ILRUN: variants seen among roughly 807,000 people sequenced by gnomAD.
The protein encoded by ILRUN is protein ILRUN.
A neutral mutation model predicts 33.8 loss-of-function variants in ILRUN; 3 were observed. The observed-to-expected ratio is 0.09, with a 90% CI of 0.04 to 0.23. ILRUN has a LOEUF of 0.23. Among genes scored for constraint, ILRUN ranks in the 10% least tolerant of loss-of-function variants. The pLI is 1.00. For missense variants in ILRUN, 210 were observed against 375.1 expected (o/e 0.56, Z 3.64); for synonymous variants, 124 against 138.9 (o/e 0.89, Z 0.75).
chr6:34,674,943 G>A (rs946747131), intron 1 of ILRUN, among the ~76,000 whole-genome samples: 3 of 151,994 alleles, frequency 2.0e-5, no homozygotes, highest in Non-Finnish European at 2.9e-5. Flanking sequence ...TTCTGACTGA[G>A]GCCCTGAATA....
At chr6:34,651,526 T>C (rs530184747) in intron 2 of ILRUN, among the ~76,000 whole-genome samples, 1 of 152,252 alleles carries the variant, frequency 6.6e-6, no homozygotes, top group South Asian at 2.1e-4. Flanking sequence ...TTTTGAAATA[T>C]AAAATGGTTA....
chr6:34,649,569 C>T (rs1388320678), intron 2 of ILRUN, among the ~76,000 whole-genome samples: 1 of 152,112 alleles, frequency 6.6e-6, no homozygotes, highest in Non-Finnish European at 1.5e-5. Flanking sequence ...AAAACCCTGT[C>T]ATGTTACAAT....
intron 1 of ILRUN, among the ~76,000 whole-genome samples, chr6:34,659,958 T>C (rs1762854304): frequency 6.6e-6 from 1 of 151,734 alleles, no homozygotes; most frequent in Non-Finnish European, 1.5e-5. Context: ...ATCTATATAT[T>C]TATATGAGGC....
intron 4 of ILRUN, among the ~76,000 whole-genome samples, chr6:34,602,827 G>C (rs1295978020): frequency 2.0e-5 from 3 of 152,186 alleles, no homozygotes; most frequent in African/African-American, 7.2e-5. Flanking sequence ...TTGCGTTGTG[G>C]GATGCAGCTA....
intron 3 of ILRUN, among the ~76,000 whole-genome samples, chr6:34,618,829 G>A (rs1761951752): frequency 6.6e-6 from 1 of 152,190 alleles, no homozygotes; most frequent in Non-Finnish European, 1.5e-5. Context: ...CATAAGGAAG[G>A]AGAAGAGATG....
chr6:34,629,072 C>G (rs1350132740), intron 3 of ILRUN, among the ~76,000 whole-genome samples: 1 of 152,092 alleles, frequency 6.6e-6, no homozygotes, highest in African/African-American at 2.4e-5. Context: ...TCACTGCATA[C>G]CAGCCTGGGC....
At chr6:34,660,208 T>C (rs934140636) in intron 1 of ILRUN, among the ~76,000 whole-genome samples, 6 of 150,268 alleles carry the variant, frequency 4.0e-5, no homozygotes, top group African/African-American at 1.2e-4. Context: ...GGGGCTGAAG[T>C]GGGAGGATCA....
At chr6:34,593,473 A>C (rs1761336481) in intron 4 of ILRUN, among the ~76,000 whole-genome samples, 1 of 152,236 alleles carries the variant, frequency 6.6e-6, no homozygotes, top group Non-Finnish European at 1.5e-5. Context: ...TTCAATTGGA[A>C]GAAACAGGAA....
intron 3 of ILRUN, among the ~76,000 whole-genome samples, chr6:34,625,467 G>C (rs1326558210): frequency 7.9e-5 from 12 of 152,316 alleles, no homozygotes; most frequent in African/African-American, 2.6e-4. Flanking sequence ...CATCTGATGT[G>C]CAGAGTAGAC....
At chr6:34,682,302 G>A (rs1418329791) in intron 1 of ILRUN, among the ~76,000 whole-genome samples, 1 of 136,044 alleles carries the variant, frequency 7.4e-6, no homozygotes, top group African/African-American at 2.8e-5. Context: ...CTGTCGCCCA[G>A]GCTGGAGTGC....
Position 34,646,423 on chromosome 6 carries a change from A to G in ILRUN, c.511+178T>C, listed in dbSNP as rs1339531893. ...CTAAATTATATTCCTAGGATAAAAG[A>G]AAGAGCACTAGACTAATCAATTAGT... On this transcript the variant is annotated intron_variant, in intron 3 of 4. Transcript: ENST00000374023. The surrounding 1 kb of genome is among the most constrained non-coding windows in gnomAD (Gnocchi z 4.9). 6.6e-6 allele frequency among the ~76,000 whole-genome samples: 1 copy of G among 152,212 alleles called. No homozygotes were observed. The highest frequency in any genetic ancestry group is 1.5e-5 in the Non-Finnish European group (1 of 68,042).
chr6:34,659,336 T>C (rs954455059), intron 1 of ILRUN, among the ~76,000 whole-genome samples: 10 of 152,210 alleles, frequency 6.6e-5, no homozygotes, highest in Non-Finnish European at 1.2e-4. Flanking sequence ...CTTCATTTTA[T>C]AGATGAGGCT....
intron 3 of ILRUN, among the ~76,000 whole-genome samples, chr6:34,620,673 T>G (rs1237455282): frequency 6.6e-6 from 1 of 151,858 alleles, no homozygotes; most frequent in Non-Finnish European, 1.5e-5. Context: ...CAAAAAAAAT[T>G]TAAAAATTAG....
At position 34,632,349 on chromosome 6, in the gene ILRUN, G is replaced by A. The variant is rs546552427; in HGVS notation, c.511+14252C>T. Among the ~76,000 whole-genome samples the A allele has an allele frequency of 1.6e-4, 25 of 152,182 alleles. No homozygotes were observed. The South Asian group carries it at 4.8e-3, about 29-fold the overall frequency. On this transcript the variant is annotated intron_variant, in intron 3 of 4. Transcript: ENST00000374023. ...CTAGCTACTAGAGAGGCTGAGGCAA[G>A]AGAATAGCGTGAACCTGGGAGGCGG...
intron 2 of ILRUN, among the ~76,000 whole-genome samples, chr6:34,651,735 A>T (rs964046573): frequency 2.7e-4 from 14 of 51,290 alleles, no homozygotes; most frequent in South Asian, 1.4e-3. Context: ...CTCATTTATT[A>T]AAAAAAAAAA....
chr6:34,663,159 T>A (rs1043672071), intron 1 of ILRUN, among the ~76,000 whole-genome samples: 2 of 152,100 alleles, frequency 1.3e-5, no homozygotes, highest in Non-Finnish European at 1.5e-5. Context: ...TGACGGCTCA[T>A]GCCTGGAATC....
At chr6:34,684,229 C>T (rs1484918644) in intron 1 of ILRUN, among the ~76,000 whole-genome samples, 10 of 152,166 alleles carry the variant, frequency 6.6e-5, no homozygotes, top group Non-Finnish European at 1.5e-5. Flanking sequence ...AAAGGCAAGG[C>T]TTTCCAGTTC....
At chr6:34,626,000 G>A (rs1300223963) in intron 3 of ILRUN, among the ~76,000 whole-genome samples, 2 of 151,752 alleles carry the variant, frequency 1.3e-5, no homozygotes, top group African/African-American at 4.8e-5. Context: ...ACAGGCACCC[G>A]CCACCACGCC....
At chr6:34,648,540 A>G (rs149718875) in intron 2 of ILRUN, among the ~76,000 whole-genome samples, 1 of 152,336 alleles carries the variant, frequency 6.6e-6, no homozygotes, top group African/African-American at 2.4e-5. Flanking sequence ...AGTTAACCCT[A>G]TAAAGGGCAA....
Sources: allele counts gnomAD v4.1 joint callset (sites outside exome capture counted in the v4.1 genomes callset), GRCh38; gene constraint gnomAD v4.1.1; non-coding constraint Gnocchi (gnomAD v3.1); transcripts MANE v1.5; gene names NCBI Gene and HGNC (gene_info 2026-07-23, HGNC 2026-07-21).